UGDH: variants seen among roughly 807,000 people sequenced by gnomAD.
The protein encoded by UGDH is UDP-glucose 6-dehydrogenase.
In UGDH, 38 loss-of-function variants were observed where a neutral mutation model predicts 50.6. The observed-to-expected ratio is 0.75, with a 90% CI of 0.58 to 0.98. The LOEUF is 0.98. UGDH is among the 50% of genes least tolerant of loss of function. UGDH has a pLI of 0.00. For missense variants in UGDH, 465 were observed against 606.2 expected, an observed-to-expected ratio of 0.77 and a Z score of 2.45; for synonymous variants, 168 against 199.9, an observed-to-expected ratio of 0.84 and a Z score of 1.35.
intron 2 of UGDH, among the ~76,000 whole-genome samples, chr4:39,517,952 G>T (rs565370342): frequency 6.6e-6 from 1 of 151,854 alleles, no homozygotes; most frequent in Non-Finnish European, 1.5e-5. Context: ...TTTTTAAGAC[G>T]GAGTCTCACT....
chr4:39,511,403 GGCATGC>G (rs556381247), intron 3 of UGDH, among the ~76,000 whole-genome samples: 148 of 150,934 alleles, frequency 9.8e-4, no homozygotes, highest in African/African-American at 3.3e-3. Context: ...TGGGACTACA[GGCATGC>G]GCCACCACAC....
intron 2 of UGDH, among the ~76,000 whole-genome samples, chr4:39,518,077 T>C (rs10034296): frequency 0.38 from 57,436 of 151,806 alleles, 13,364 homozygotes; most frequent in East Asian, 0.69. Context: ...TATAGGCATG[T>C]GCTACTACAC....
chr4:39,514,253 G>A (rs1228549160), intron 2 of UGDH, 69 bp from the exon 3 acceptor site: 1 of 1,195,204 alleles, frequency 8.4e-7, no homozygotes, highest in African/African-American at 1.6e-5. Flanking sequence ...TAATAGTATA[G>A]AATTACATTT....
intron 7 of UGDH, 146 bp downstream of exon 7, chr4:39,508,420 G>A (rs1746109618): frequency 1.5e-6 from 1 of 665,538 alleles, no homozygotes; most frequent in South Asian, 1.9e-5. Context: ...TTTTTGTAGA[G>A]ATGGGGTCTC....
intron 3 of UGDH, 129 bp downstream of exon 3, chr4:39,513,954 A>C: frequency 1.4e-6 from 1 of 717,768 alleles, no homozygotes; most frequent in Non-Finnish European, 2.2e-6. Context: ...TGACAACCAA[A>C]ATTCACCGGA....
intron 2 of UGDH, among the ~76,000 whole-genome samples, chr4:39,518,346 A>T (rs1746514082): frequency 6.6e-6 from 1 of 151,584 alleles, no homozygotes; most frequent in Non-Finnish European, 1.5e-5. Context: ...ACAGACTAAT[A>T]GTTTTTTTTT....
At chr4:39,501,782 A>AT (rs1207646380) in intron 11 of UGDH, among the ~76,000 whole-genome samples, 1 of 152,172 alleles carries the variant, frequency 6.6e-6, no homozygotes, top group Non-Finnish European at 1.5e-5. Flanking sequence ...ATGATAATCA[A>AT]TTTTGGTTTT....
At position 39,514,101 on chromosome 4, in the gene UGDH, A is replaced by C. The variant is rs770329289; in HGVS notation, c.246T>G (p.Ala82=). Reference sequence around the variant, plus strand: ...TACTTACAGAAATAAATACAAGATCAGCTTCTTTGATGGCATCATCAATAT... The same window carrying C: ...TACTTACAGAAATAAATACAAGATCCGCTTCTTTGATGGCATCATCAATAT... ...STNIDDAIKE[A]DLVFISVNTP... is the part of the protein sequence containing the mutation. Residue 82 remains alanine, a synonymous_variant, in exon 3 of 12, where the codon GCT becomes GCG. Transcript: ENST00000316423. 2 of 1,590,764 alleles carry C rather than the reference A, an allele frequency of 1.3e-6. No individual in the cohort carries two copies.
chr4:39,505,815 C>A, intron 7 of UGDH, 67 bp from the exon 8 acceptor site: 1 of 1,492,290 alleles, frequency 6.7e-7, no homozygotes, highest in South Asian at 1.4e-5. Context: ...ACACATTACT[C>A]AGAATTTTAT....
chr4:39,507,390 G>C (rs1049734243), intron 7 of UGDH, among the ~76,000 whole-genome samples: 2 of 152,182 alleles, frequency 1.3e-5, no homozygotes, highest in Admixed American at 6.5e-5. Context: ...TGACAATATA[G>C]GTTCTGTTTT....
chr4:39,515,582 TA>T (rs59182947), intron 2 of UGDH, among the ~76,000 whole-genome samples: 45 of 150,022 alleles, frequency 3.0e-4, no homozygotes, highest in South Asian at 1.9e-3. Flanking sequence ...AATATTCTTA[TA>T]AAAAAAAAAT....
At chr4:39,502,623 A>G (rs980052569) in intron 11 of UGDH, among the ~76,000 whole-genome samples, 1 of 152,176 alleles carries the variant, frequency 6.6e-6, no homozygotes, top group African/African-American at 2.4e-5. Context: ...GCTCTGAGGA[A>G]ATGGAAAATA....
chr4:39,503,318 G>C (rs1038709452), intron 11 of UGDH, among the ~76,000 whole-genome samples: 1 of 152,154 alleles, frequency 6.6e-6, no homozygotes, highest in African/African-American at 2.4e-5. Flanking sequence ...CAAAGTGCTG[G>C]GATTACAGGT....
At chr4:39,521,069 C>CAAAA (rs1179305904) in intron 2 of UGDH, among the ~76,000 whole-genome samples, 2 of 80,048 alleles carry the variant, frequency 2.5e-5, no homozygotes, top group African/African-American at 4.0e-5. Flanking sequence ...GACTCCGTCT[C>CAAAA]AAAAAAAAAA....
chr4:39,504,222 G>A (rs1745937986), intron 10 of UGDH, among the ~76,000 whole-genome samples, 195 bp downstream of exon 10: 2 of 151,982 alleles, frequency 1.3e-5, no homozygotes, highest in Non-Finnish European at 2.9e-5. Flanking sequence ...GCAGGAGAAT[G>A]GCGTGAACCC....
At chr4:39,521,147 G>A (rs919437884) in intron 2 of UGDH, among the ~76,000 whole-genome samples, 3 of 150,950 alleles carry the variant, frequency 2.0e-5, no homozygotes, top group Non-Finnish European at 2.9e-5. Context: ...ACACCATTCT[G>A]ATAGACTTCT....
intron 2 of UGDH, among the ~76,000 whole-genome samples, chr4:39,519,593 C>G (rs1375596960): frequency 4.6e-5 from 7 of 152,016 alleles, no homozygotes; most frequent in African/African-American, 1.7e-4. Flanking sequence ...GGCTGGAGTA[C>G]AATGGCGTGA....
In UGDH at chr4:39,499,326, T is replaced by G. The variant is rs1444432995; in HGVS notation, c.*817A>C. ...GAAATTAACAGTGATGATTTTGAGC[T>G]AAAAAATCAGTGACACATTTTATTA... On this transcript the variant is annotated 3_prime_UTR_variant, in exon 12 of 12. Transcript: ENST00000316423. The G allele has an allele frequency of 1.2e-4, 19 of 152,242 alleles. No homozygotes were observed. The highest frequency in any genetic ancestry group is 1.2e-3 in the Admixed American group (19 of 15,280). 9.4% of individuals were successfully genotyped at this position (152,242 alleles called of 1,614,324 possible).
chr4:39,527,265 C>A lies in UGDH; in HGVS notation c.-8+18G>T. The A allele has an allele frequency of 2.0e-6, 1 of 507,462 alleles. No individual in the cohort carries two copies. The highest frequency in any genetic ancestry group is 1.9e-5 in the South Asian group (1 of 52,006). 31.4% of individuals were successfully genotyped at this position (507,462 alleles called of 1,614,324 possible). A position where few individuals can be genotyped will look rare whatever the true frequency, so the allele number is the denominator to read the frequency against. On this transcript the variant is annotated intron_variant, in intron 1 of 11. Coordinates refer to ENST00000316423, the MANE Select transcript of UGDH (RefSeq NM_003359.4). ...CATCCCGCCCGGGCGGCGGGGCCAG[C>A]CTGGGAGCGGCGCTTACCCACTTCC...
Sources: gnomAD v4.1 joint callset for allele counts (sites outside exome capture counted in the v4.1 genomes callset) on GRCh38, gnomAD v4.1.1 for gene constraint, MANE v1.5 for transcripts, NCBI Gene and HGNC (gene_info 2026-07-23, HGNC 2026-07-21) for gene names.